CNTN6: variants seen among roughly 807,000 people sequenced by gnomAD.
CNTN6 encodes the protein contactin-6.
CNTN6 carries 137 observed loss-of-function variants against 122.8 expected under a neutral mutation model. That is an observed-to-expected ratio of 1.12 (90% CI 0.97 to 1.29). The LOEUF (loss-of-function observed/expected upper bound fraction) is 1.29. CNTN6 is among the 50% of genes most tolerant of loss of function. The pLI is 0.00. For synonymous variants in CNTN6, 570 were observed against 426.0 expected (o/e 1.34, Z -4.16); for missense variants, 1,634 against 1,223.4 (o/e 1.34, Z -5.01).
intron 1 of CNTN6, among the ~76,000 whole-genome samples, chr3:1,100,910 T>C (rs1265225323): frequency 6.6e-6 from 1 of 152,180 alleles, no homozygotes; most frequent in Non-Finnish European, 1.5e-5. Context: ...TTATTACTTA[T>C]GTCTGCTGGA....
chr3:1,360,404 T>G (rs775257257), intron 12 of CNTN6, among the ~76,000 whole-genome samples: 2 of 152,072 alleles, frequency 1.3e-5, no homozygotes, highest in African/African-American at 2.4e-5. Flanking sequence ...AACTCATACT[T>G]CTTGGTCCTA....
chr3:1,268,409 C>A (rs960863610), intron 4 of CNTN6, among the ~76,000 whole-genome samples: 1 of 152,080 alleles, frequency 6.6e-6, no homozygotes, highest in Non-Finnish European at 1.5e-5. Flanking sequence ...AGATCGAGAC[C>A]ATCCTGGTTA....
At chr3:1,287,163 C>G (rs1285803386) in intron 5 of CNTN6, among the ~76,000 whole-genome samples, 1 of 152,086 alleles carries the variant, frequency 6.6e-6, no homozygotes, top group African/African-American at 2.4e-5. Flanking sequence ...ATCAACAAGA[C>G]AGAAAATTAA....
chr3:1,290,123 G>C (rs1575574583), intron 5 of CNTN6, among the ~76,000 whole-genome samples: 1 of 152,312 alleles, frequency 6.6e-6, no homozygotes, highest in South Asian at 2.1e-4. Context: ...CCAGCGGCTT[G>C]TGGTTTAGCA....
At chr3:1,169,938 G>A (rs1191293957) in intron 2 of CNTN6, among the ~76,000 whole-genome samples, 2 of 151,928 alleles carry the variant, frequency 1.3e-5, no homozygotes, top group Non-Finnish European at 2.9e-5. Context: ...AATTTTATTA[G>A]AAAAAGAATA....
chr3:1,283,308 C>T (rs1323043779), intron 5 of CNTN6, among the ~76,000 whole-genome samples: 1 of 152,006 alleles, frequency 6.6e-6, no homozygotes, highest in East Asian at 1.9e-4. Context: ...AGGATGTTAC[C>T]GTGCCTTTGG....
intron 1 of CNTN6, among the ~76,000 whole-genome samples, chr3:1,100,245 A>T (rs1416956950): frequency 6.6e-6 from 1 of 152,170 alleles, no homozygotes; most frequent in Admixed American, 6.5e-5. Context: ...CGCTTATGTT[A>T]GTCACATTCT....
At chr3:1,332,561 G>A (rs1205839779) in intron 11 of CNTN6, among the ~76,000 whole-genome samples, 6 of 147,102 alleles carry the variant, frequency 4.1e-5, no homozygotes, top group African/African-American at 1.5e-4. Flanking sequence ...AGAAAGAGGG[G>A]GAAAGAAAGA....
intron 2 of CNTN6, among the ~76,000 whole-genome samples, chr3:1,183,119 A>G (rs1024867917): frequency 2.0e-5 from 3 of 152,194 alleles, no homozygotes; most frequent in African/African-American, 7.2e-5. Context: ...GTATACGAAG[A>G]TAAAAGATTT....
chr3:1,105,688 A>G (rs1006931830), intron 1 of CNTN6, among the ~76,000 whole-genome samples: 4 of 152,144 alleles, frequency 2.6e-5, no homozygotes, highest in South Asian at 2.1e-4. Flanking sequence ...TTTGTCCCTA[A>G]TTGCACATCT....
chr3:1,202,056 T>G (rs941640407), intron 2 of CNTN6, among the ~76,000 whole-genome samples: 9 of 152,214 alleles, frequency 5.9e-5, no homozygotes, highest in Non-Finnish European at 1.2e-4. Context: ...CCTTAATCTT[T>G]AAAAAATGCT....
intron 7 of CNTN6, among the ~76,000 whole-genome samples, chr3:1,302,628 T>C (rs1330514316): frequency 1.3e-5 from 2 of 152,126 alleles, no homozygotes; most frequent in African/African-American, 4.8e-5. Flanking sequence ...GATATAAAAA[T>C]TGGCTTTTGT....
In CNTN6 at chr3:1,144,947, T is replaced by A. The variant is rs75354092; in HGVS notation, c.-82-2980T>A. On this transcript the variant is annotated intron_variant, in intron 1 of 22. Transcript: ENST00000446702. ...TAGAGATGGCTAGGCTTTGCAGGCC[T>A]CCGGAGGATTGGGTATTTTAAATAA... Among the ~76,000 whole-genome samples the A allele has an allele frequency of 2.2e-3, 342 of 152,246 alleles. 3 individuals carry two copies. Among genetic ancestry groups the A allele is most frequent in the African/African-American group, 7.9e-3 (327 of 41,552 alleles).
rs1050504165 is a variant in CNTN6 at position 1,249,945 on chromosome 3, GTTGTTTT to G, written c.358+21968_358+21974del. 9.5e-4 allele frequency among the ~76,000 whole-genome samples: 144 copies of G among 151,950 alleles called. 1 individual carries two copies. The highest frequency in any genetic ancestry group is 6.8e-3 in the Middle Eastern group (2 of 294). On this transcript the variant is annotated intron_variant, in intron 4 of 22. Transcript: ENST00000446702. ...TGTGTTGTTTCTGTTTTGTTTTTTTGTTGTTTTTTGTTTTTTGTTTTTGTACTTTTCT... is the reference window on the plus strand; with the variant it reads ...TGTGTTGTTTCTGTTTTGTTTTTTTGTTGTTTTTTGTTTTTGTACTTTTCT...
At chr3:1,388,890 C>T (rs1314173638) in intron 20 of CNTN6, among the ~76,000 whole-genome samples, 6 of 136,086 alleles carry the variant, frequency 4.4e-5, no homozygotes, top group African/African-American at 1.1e-4. Context: ...ACGAGCAAAG[C>T]CTCCAAGAAA....
In CNTN6 at chr3:1,148,031, T is replaced by C. The variant is rs1459040784; in HGVS notation, c.23T>C (p.Val8Ala). 6.2e-7 allele frequency: 1 copy of C among 1,608,320 alleles called. No homozygotes were observed. Among genetic ancestry groups the C allele is most frequent in the Non-Finnish European group, 8.5e-7 (1 of 1,175,882 alleles). The stretch of plus-strand genomic sequence containing the variant: ...GAAATGAGGTTGCTATGGAAACTGG[T>C]AATTCTGCTGCCACTCATAAACTCT... MRLLWKL[V>A]ILLPLINSSA... Residue 8 changes from valine to alanine, a missense_variant, in exon 2 of 23, where the codon GTA becomes GCA. Transcript: ENST00000446702.
At chr3:1,099,320 G>C (rs559798804) in intron 1 of CNTN6, among the ~76,000 whole-genome samples, 1 of 143,026 alleles carries the variant, frequency 7.0e-6, no homozygotes, top group African/African-American at 2.6e-5. Flanking sequence ...GTGTGGTGGC[G>C]GGCGCCTGTA....
intron 4 of CNTN6, among the ~76,000 whole-genome samples, chr3:1,239,732 A>G (rs1025319502): frequency 4.6e-5 from 7 of 152,152 alleles, no homozygotes; most frequent in African/African-American, 1.4e-4. Flanking sequence ...ACTAAGCAAA[A>G]AGAACACACT....
intron 1 of CNTN6, among the ~76,000 whole-genome samples, chr3:1,141,035 A>G (rs1428083997): frequency 6.6e-6 from 1 of 152,198 alleles, no homozygotes; most frequent in African/African-American, 2.4e-5. Flanking sequence ...TTTTTCTCAG[A>G]TCACAAATAG....
Sources: gnomAD v4.1 joint callset for allele counts (sites outside exome capture counted in the v4.1 genomes callset) on GRCh38, gnomAD v4.1.1 for gene constraint, MANE v1.5 for transcripts, NCBI Gene and HGNC (gene_info 2026-07-23, HGNC 2026-07-21) for gene names.